Variants in RAB2B observed in about 807,000 individuals in gnomAD.
The protein encoded by RAB2B is RAB2B, member RAS oncogene family, also known as ras-related protein Rab-2B.
RAB2B carries 20 observed loss-of-function variants against 29.8 expected under a neutral mutation model. The ratio of observed to expected loss-of-function variants is 0.67; its 90% CI spans 0.47 to 0.97. RAB2B has a LOEUF of 0.97. Among genes scored for constraint, RAB2B ranks in the 50% least tolerant of loss-of-function variants. The pLI, the probability that RAB2B is intolerant of heterozygous loss-of-function variation, is 0.00. For missense variants in RAB2B, 218 were observed against 272.0 expected, an observed-to-expected ratio of 0.80 and a Z score of 1.40; for synonymous variants, 93 against 91.7, an observed-to-expected ratio of 1.01 and a Z score of -0.08.
intron 2 of RAB2B, 114 bp from the exon 3 acceptor site, chr14:21,475,048 G>T: frequency 1.3e-6 from 1 of 761,128 alleles, no homozygotes; most frequent in Admixed American, 2.1e-5. Flanking sequence ...TGAACTCAAT[G>T]CCACTAATTC....
At chr14:21,475,411 T>C (rs1440668748) in intron 2 of RAB2B, among the ~76,000 whole-genome samples, 1 of 150,446 alleles carries the variant, frequency 6.6e-6, no homozygotes. Flanking sequence ...GCCTAAGAAA[T>C]AGGTTCTCAG....
intron 2 of RAB2B, among the ~76,000 whole-genome samples, chr14:21,475,435 T>TG (rs1398092966): frequency 6.7e-6 from 1 of 149,166 alleles, no homozygotes; most frequent in Non-Finnish European, 1.5e-5. Flanking sequence ...CAATACTTTT[T>TG]TTTTTTTTTT....
chr14:21,464,292 C>T (rs1285199735), intron 5 of RAB2B, among the ~76,000 whole-genome samples: 2 of 152,210 alleles, frequency 1.3e-5, no homozygotes, highest in South Asian at 4.1e-4. Flanking sequence ...CCCAGCTACT[C>T]GGGAGGCTGA....
intron 3 of RAB2B, among the ~76,000 whole-genome samples, chr14:21,468,999 G>C (rs889994231): frequency 3.0e-4 from 45 of 150,384 alleles, no homozygotes. Context: ...CTGTCCATCA[G>C]ATTAGTGGAT....
rs201151955 is a variant in RAB2B, at chr14:21,474,868, G to A, written c.185C>T (p.Thr62Met). ...GKQIKLQIWDTAGQESFRSIT... is the reference protein window; with the variant it reads ...GKQIKLQIWDMAGQESFRSIT... ...GACTAAATTATTTTGTACTCTCACC[G>A]TATCCCAGATTTGCAGTTTGATTTG... The change falls in exon 3 of 8, where the codon ACG (threonine) becomes ATG (methionine). Residue 62 changes from threonine to methionine, a missense_variant and splice_region_variant. Physicochemically the swap from Thr to Met is moderately conservative, Grantham distance 81. Coordinates refer to ENST00000397762, the MANE Select transcript of RAB2B (RefSeq NM_032846.4). The A allele has an allele frequency of 1.2e-5, 20 of 1,611,444 alleles. No individual in the cohort carries two copies. Among genetic ancestry groups the A allele is most frequent in the South Asian group, 6.6e-5 (6 of 91,006 alleles).
intron 5 of RAB2B, among the ~76,000 whole-genome samples, chr14:21,464,171 G>C (rs1890634654): frequency 6.6e-6 from 1 of 152,184 alleles, no homozygotes; most frequent in Non-Finnish European, 1.5e-5. Context: ...GGATGCCGAG[G>C]CAGGTGGATC....
intron 5 of RAB2B, 79 bp from the exon 6 acceptor site, chr14:21,463,846 G>A (rs878985196): frequency 1.5e-5 from 14 of 947,708 alleles, no homozygotes; most frequent in Middle Eastern, 2.2e-4. Context: ...AAAGAATTCC[G>A]TCGTGGTTTC....
At chr14:21,468,044 G>C (rs1219571137) in intron 5 of RAB2B, among the ~76,000 whole-genome samples, 1 of 152,082 alleles carries the variant, frequency 6.6e-6, no homozygotes, top group Admixed American at 6.6e-5. Context: ...CAGGGGCTGA[G>C]GGATGAGGGG....
intron 7 of RAB2B, 99 bp from the exon 8 acceptor site, chr14:21,461,402 CAG>C: frequency 1.4e-6 from 1 of 732,310 alleles, no homozygotes; most frequent in South Asian, 2.0e-5. Flanking sequence ...AGAAAGAAAA[CAG>C]AAAGGGGAGA....
chr14:21,463,525 G>A, intron 6 of RAB2B, 131 bp downstream of exon 6: 1 of 674,602 alleles, frequency 1.5e-6, no homozygotes, highest in Non-Finnish European at 2.6e-6. Flanking sequence ...AGGATTACAG[G>A]CATGAGCCAC....
chr14:21,472,203 T>G (rs762989703), intron 3 of RAB2B, among the ~76,000 whole-genome samples: 1 of 152,222 alleles, frequency 6.6e-6, no homozygotes, highest in Non-Finnish European at 1.5e-5. Context: ...ATTTGATCAG[T>G]ATTTTATATT....
chr14:21,473,632 G>A (rs556726935), intron 3 of RAB2B, among the ~76,000 whole-genome samples: 2 of 152,342 alleles, frequency 1.3e-5, no homozygotes, highest in South Asian at 2.1e-4. Context: ...TGTAATCCCA[G>A]CATTTTGAGA....
At chr14:21,476,345 TC>T (rs1890963505) in intron 2 of RAB2B, 182 bp downstream of exon 2, 1 of 616,036 alleles carries the variant, frequency 1.6e-6, no homozygotes, top group Non-Finnish European at 2.9e-6. Flanking sequence ...TTATATACTC[TC>T]CCTTACACTA....
intron 5 of RAB2B, 80 bp from the exon 6 acceptor site, chr14:21,463,847 T>A: frequency 4.2e-6 from 4 of 942,716 alleles, no homozygotes. Context: ...AAGAATTCCG[T>A]CGTGGTTTCA....
At chr14:21,461,500 A>G (rs1890555057) in intron 7 of RAB2B, among the ~76,000 whole-genome samples, 197 bp from the exon 8 acceptor site, 1 of 152,212 alleles carries the variant, frequency 6.6e-6, no homozygotes, top group Non-Finnish European at 1.5e-5. Flanking sequence ...ATGTGGAACA[A>G]TAATCTGTGA....
chr14:21,467,976 A>G (rs1015101507), intron 5 of RAB2B, among the ~76,000 whole-genome samples: 1 of 152,096 alleles, frequency 6.6e-6, no homozygotes, highest in Non-Finnish European at 1.5e-5. Context: ...ATATTACATG[A>G]GTCTACTTGT....
chr14:21,475,483 T>A (rs1449951983), intron 2 of RAB2B, among the ~76,000 whole-genome samples: 1 of 145,544 alleles, frequency 6.9e-6, no homozygotes, highest in Non-Finnish European at 1.5e-5. Context: ...CAGGCTGGAG[T>A]GCAGTGGTGC....
At position 21,461,922 on chromosome 14, in the gene RAB2B, C is replaced by T. The variant is rs1890565208; in HGVS notation, c.543+428G>A. Among the ~76,000 whole-genome samples, 5 of 152,292 alleles carry T rather than the reference C, an allele frequency of 3.3e-5. No individual in the cohort carries two copies. The South Asian group carries it at 1.0e-3, about 32-fold the overall frequency. ...TATACTTAAATGTCATAGCTACGTGCAGAATCAGGGTGTGACGAGGTAGAA... is the reference window on the plus strand; with the variant it reads ...TATACTTAAATGTCATAGCTACGTGTAGAATCAGGGTGTGACGAGGTAGAA... On this transcript the variant is annotated intron_variant, in intron 7 of 7. Transcript: ENST00000397762.
At chr14:21,476,343 T>C (rs1225060190) in intron 2 of RAB2B, 185 bp downstream of exon 2, 2 of 611,730 alleles carry the variant, frequency 3.3e-6, no homozygotes, top group Non-Finnish European at 2.9e-6. Context: ...AATTATATAC[T>C]CTCCCTTACA....
Sources: allele counts gnomAD v4.1 joint callset (sites outside exome capture counted in the v4.1 genomes callset), GRCh38; gene constraint gnomAD v4.1.1; transcripts MANE v1.5; gene names NCBI Gene and HGNC (gene_info 2026-07-23, HGNC 2026-07-21).